Variants in ANKRD13A observed in about 807,000 individuals in gnomAD.
ANKRD13A encodes the protein ankyrin repeat domain 13A.
Under a neutral mutation model 81.3 loss-of-function variants are expected in ANKRD13A, and 48 were observed. The observed-to-expected ratio is 0.59, with a 90% CI of 0.47 to 0.75. The LOEUF (loss-of-function observed/expected upper bound fraction) is 0.75, where lower values mean the gene tolerates loss of function less well. ANKRD13A is among the 30% of genes least tolerant of loss of function. ANKRD13A has a pLI of 0.00. For missense variants in ANKRD13A, 612 were observed against 734.0 expected, an observed-to-expected ratio of 0.83 and a Z score of 1.92; for synonymous variants, 230 against 270.1, an observed-to-expected ratio of 0.85 and a Z score of 1.45.
intron 9 of ANKRD13A, chr12:110,028,211 C>A: frequency 3.0e-6 from 1 of 335,896 alleles, no homozygotes; most frequent in South Asian, 4.6e-5. Flanking sequence ...AGAACTTCAA[C>A]TCCAAGTCTT....
chr12:110,033,055 C>CTTTTTTTTTTTT (rs1195852066), intron 12 of ANKRD13A, among the ~76,000 whole-genome samples: 1 of 130,478 alleles, frequency 7.7e-6, no homozygotes, highest in Non-Finnish European at 1.7e-5. Flanking sequence ...TTTTCTTTTT[C>CTTTTTTTTTTTT]TTTTTTTTTT....
intron 1 of ANKRD13A, among the ~76,000 whole-genome samples, chr12:110,007,382 G>T (rs997576256): frequency 3.3e-5 from 5 of 151,642 alleles, no homozygotes; most frequent in South Asian, 2.1e-4. Context: ...GGTTTTTTTT[G>T]TTTGTTTGTT....
At chr12:110,024,439 G>C (rs1891219151) in intron 7 of ANKRD13A, among the ~76,000 whole-genome samples, 1 of 152,038 alleles carries the variant, frequency 6.6e-6, no homozygotes, top group South Asian at 2.1e-4. Flanking sequence ...GGAAGGATTA[G>C]ACTTCACATG....
chr12:110,026,743 G>A (rs576369895), intron 8 of ANKRD13A, among the ~76,000 whole-genome samples: 16 of 152,146 alleles, frequency 1.1e-4, no homozygotes, highest in African/African-American at 2.9e-4. Flanking sequence ...TTAACCAGGC[G>A]TGGTGGCGCA....
At position 110,037,715 on chromosome 12, in the gene ANKRD13A, G is replaced by A; in HGVS notation, c.*161G>A. On this transcript the variant is annotated 3_prime_UTR_variant, in exon 15 of 15. Coordinates refer to ENST00000261739, the MANE Select transcript of ANKRD13A (RefSeq NM_033121.2). ...GAGGTGCAGAACCAGGGACTCCTGG[G>A]CCCATCCAGGCTGCTCCCTGGGGTG... is the stretch of plus-strand genomic sequence containing the variant. The A allele has an allele frequency of 1.5e-6, 1 of 668,294 alleles. No individual in the cohort carries two copies. Among genetic ancestry groups the A allele is most frequent in the East Asian group, 2.9e-5 (1 of 34,970 alleles). 41.4% of individuals were successfully genotyped at this position (668,294 alleles called of 1,614,324 possible). A position where few individuals can be genotyped will look rare whatever the true frequency, so the allele number is the denominator to read the frequency against.
At chr12:110,035,482 C>T (rs1891982744) in intron 13 of ANKRD13A, among the ~76,000 whole-genome samples, 4 of 151,636 alleles carry the variant, frequency 2.6e-5, no homozygotes, top group Admixed American at 6.6e-5. Context: ...CAGAGTCTCA[C>T]TCTTTTGCTC....
intron 6 of ANKRD13A, among the ~76,000 whole-genome samples, chr12:110,020,023 G>A (rs1010651464): frequency 3.3e-5 from 5 of 152,198 alleles, no homozygotes; most frequent in Non-Finnish European, 5.9e-5. Context: ...CCACTGATCC[G>A]AGGGAGTCCT....
At chr12:110,002,808 A>G (rs552586772) in intron 1 of ANKRD13A, among the ~76,000 whole-genome samples, 124 of 152,314 alleles carry the variant, frequency 8.1e-4, no homozygotes, top group Non-Finnish European at 1.4e-3. Flanking sequence ...TTCCAGGAAC[A>G]GCAACACAAG....
At chr12:110,012,501 A>G (rs1414946920) in intron 2 of ANKRD13A, among the ~76,000 whole-genome samples, 1 of 152,182 alleles carries the variant, frequency 6.6e-6, no homozygotes, top group African/African-American at 2.4e-5. Context: ...GGAGCCCAGG[A>G]TGATGCAGGT....
intron 6 of ANKRD13A, among the ~76,000 whole-genome samples, chr12:110,019,803 C>CAA (rs1890985074): frequency 6.6e-6 from 1 of 151,736 alleles, no homozygotes; most frequent in Non-Finnish European, 1.5e-5. Flanking sequence ...TTGTTTAACC[C>CAA]ACCTGTGAGG....
chr12:110,021,221 G>A, intron 6 of ANKRD13A: 1 of 446,840 alleles, frequency 2.2e-6, no homozygotes, highest in Non-Finnish European at 4.5e-6. Flanking sequence ...ATGTGTGCTT[G>A]TCGTGCATTG....
rs1334811651 is a variant in ANKRD13A at position 109,999,652 on chromosome 12, G to A, written c.-37G>A. 2 of 1,491,980 alleles carry A rather than the reference G, an allele frequency of 1.3e-6. No individual in the cohort carries two copies. Among genetic ancestry groups the A allele is most frequent in the Non-Finnish European group, 1.8e-6 (2 of 1,114,758 alleles). The allele number at this position is 1,491,980 out of a possible 1,614,324, so 92.4% of individuals were successfully genotyped here. ...GAGACCCCGCCGGGGCCGAGACTTGGGGCGGGCGACGAGGACCAGGTTACG... is the reference window on the plus strand; with the variant it reads ...GAGACCCCGCCGGGGCCGAGACTTGAGGCGGGCGACGAGGACCAGGTTACG... On this transcript the variant is annotated 5_prime_UTR_variant, in exon 1 of 15. Coordinates refer to ENST00000261739, the MANE Select transcript of ANKRD13A (RefSeq NM_033121.2). This position sits in a 1 kb window ranked among gnomAD's most constrained non-coding sequence, Gnocchi z 4.3.
Position 110,037,361 on chromosome 12 carries a change from C to A in ANKRD13A, c.1580C>A (p.Ala527Asp). ...TNTYDAQYER[A>D]IQESLLTSTE... ...TTTTTATCTGTTTTCCAACCCAGGG[C>A]CATCCAGGAGAGCCTCCTCACCAGC... The change falls in exon 15 of 15, where the codon GCC becomes GAC. Residue 527 changes from alanine to aspartate, a missense_variant and splice_region_variant. Coordinates refer to ENST00000261739, the MANE Select transcript of ANKRD13A (RefSeq NM_033121.2). The A allele has an allele frequency of 6.2e-7, 1 of 1,613,180 alleles. No homozygotes were observed. The highest frequency in any genetic ancestry group is 8.5e-7 in the Non-Finnish European group (1 of 1,179,434).
At chr12:110,006,677 A>G (rs1348519746) in intron 1 of ANKRD13A, among the ~76,000 whole-genome samples, 1 of 150,148 alleles carries the variant, frequency 6.7e-6, no homozygotes, top group Non-Finnish European at 1.5e-5. Flanking sequence ...GCTTACCACA[A>G]CCTCCGCCTC....
At chr12:110,037,260 C>T (rs1319903456) in intron 14 of ANKRD13A, 99 bp from the exon 15 acceptor site, 4 of 1,209,092 alleles carry the variant, frequency 3.3e-6, no homozygotes, top group East Asian at 4.7e-5. Flanking sequence ...AAATGCCTGG[C>T]ACAGTGTGCC....
Position 110,028,567 on chromosome 12 carries a change from A to C in ANKRD13A, c.1001A>C (p.Glu334Ala). Reference sequence around the variant, plus strand: ...AACCCCACAGCCATCACGCCTGATGAGTACTTCAATGAAGAGTTTGATCTG... The same window carrying C: ...AACCCCACAGCCATCACGCCTGATGCGTACTTCAATGAAGAGTTTGATCTG... ...ANNPTAITPD[E>A]YFNEEFDLKD... The change falls in exon 10 of 15, where the codon GAG (glutamate) becomes GCG (alanine). Residue 334 changes from glutamate to alanine, a missense_variant. Transcript: ENST00000261739. 6.2e-7 allele frequency: 1 copy of C among 1,614,234 alleles called. No individual in the cohort carries two copies. The highest frequency in any genetic ancestry group is 1.1e-5 in the South Asian group (1 of 91,084).
chr12:110,005,646 T>A (rs962819021), intron 1 of ANKRD13A, among the ~76,000 whole-genome samples: 3 of 152,238 alleles, frequency 2.0e-5, no homozygotes, highest in African/African-American at 7.2e-5. Flanking sequence ...TTGTGGCATG[T>A]TTCAGGTGCT....
At chr12:110,026,080 G>A (rs1891306794) in intron 8 of ANKRD13A, among the ~76,000 whole-genome samples, 1 of 151,546 alleles carries the variant, frequency 6.6e-6, no homozygotes, top group South Asian at 2.1e-4. Flanking sequence ...TCCTGCCTCA[G>A]CCTCCTGAGT....
At chr12:110,008,734 AAT>A (rs1438481670) in intron 1 of ANKRD13A, among the ~76,000 whole-genome samples, 2 of 152,092 alleles carry the variant, frequency 1.3e-5, no homozygotes, top group African/African-American at 4.8e-5. Flanking sequence ...AAAGTACATA[AAT>A]TAGCCAGGTG....
Sources: gnomAD v4.1 joint callset for allele counts (sites outside exome capture counted in the v4.1 genomes callset) on GRCh38, gnomAD v4.1.1 for gene constraint, Gnocchi (gnomAD v3.1) non-coding constraint, MANE v1.5 for transcripts, NCBI Gene and HGNC (gene_info 2026-07-23, HGNC 2026-07-21) for gene names.